JPH3: variants seen among roughly 807,000 people sequenced by gnomAD.
JPH3 encodes junctophilin 3.
A neutral mutation model predicts 59.6 loss-of-function variants in JPH3; 11 were observed. The observed-to-expected ratio is 0.18, with a 90% confidence interval of 0.12 to 0.31. The LOEUF is 0.31. JPH3 is among the 10% of genes least tolerant of loss of function. The probability of loss-of-function intolerance (pLI) is 1.00; values close to 1 mark genes in which losing one functional copy is unlikely to be tolerated. For missense variants in JPH3, 1,202 were observed against 1,105.7 expected (o/e 1.09, Z -1.24); for synonymous variants, 673 against 483.6 (o/e 1.39, Z -5.14).
chr16:87,642,873 T>G (rs1337305088), intron 1 of JPH3, among the ~76,000 whole-genome samples: 1 of 152,226 alleles, frequency 6.6e-6, no homozygotes, highest in African/African-American at 2.4e-5. Context: ...TGACCGGGTT[T>G]CCTTTTTATT....
chr16:87,620,585 G>C (rs911845463), intron 1 of JPH3, among the ~76,000 whole-genome samples: 1 of 151,946 alleles, frequency 6.6e-6, no homozygotes, highest in South Asian at 2.1e-4. Context: ...TGCCATGGGG[G>C]GGACGTGCGT....
At chr16:87,658,706 C>T (rs2032593823) in intron 2 of JPH3, among the ~76,000 whole-genome samples, 1 of 152,190 alleles carries the variant, frequency 6.6e-6, no homozygotes, top group Non-Finnish European at 1.5e-5. Context: ...CAGGAGGACT[C>T]ACCCCCCTGC....
intron 3 of JPH3, among the ~76,000 whole-genome samples, chr16:87,689,286 C>G (rs1224257478): frequency 6.6e-6 from 1 of 152,148 alleles, no homozygotes; most frequent in Non-Finnish European, 1.5e-5. Flanking sequence ...GGGGCTTCCT[C>G]TTACCCTCAG....
At chr16:87,662,107 G>A (rs573957495) in intron 2 of JPH3, among the ~76,000 whole-genome samples, 65 of 152,248 alleles carry the variant, frequency 4.3e-4, no homozygotes, top group Non-Finnish European at 8.1e-4. Context: ...CTGTACCTAC[G>A]GTCATCCCTC....
intron 1 of JPH3, among the ~76,000 whole-genome samples, chr16:87,637,657 C>T (rs1040400292): frequency 2.0e-5 from 3 of 152,214 alleles, no homozygotes; most frequent in Admixed American, 6.5e-5. Context: ...GGGACTTTCT[C>T]GGGGACAACC....
At chr16:87,676,164 A>C (rs1182529006) in intron 2 of JPH3, among the ~76,000 whole-genome samples, 1 of 152,218 alleles carries the variant, frequency 6.6e-6, no homozygotes, top group Non-Finnish European at 1.5e-5. Context: ...ACGTGTGGCC[A>C]TGGAAATGTG....
At chr16:87,665,854 C>T (rs2032843943) in intron 2 of JPH3, among the ~76,000 whole-genome samples, 1 of 152,214 alleles carries the variant, frequency 6.6e-6, no homozygotes, top group South Asian at 2.1e-4. Context: ...CTGGTTGGAA[C>T]ACTGGTCCCT....
intron 1 of JPH3, among the ~76,000 whole-genome samples, chr16:87,626,029 T>C (rs1432614708): frequency 6.6e-6 from 1 of 152,288 alleles, no homozygotes; most frequent in East Asian, 1.9e-4. Flanking sequence ...CTGGATTCCT[T>C]AGCTCAGGTT....
At chr16:87,695,756 C>T (rs1330589829) in intron 4 of JPH3, 1 of 456,092 alleles carries the variant, frequency 2.2e-6, no homozygotes. Flanking sequence ...CAGAACACAG[C>T]AGAGTGCAGG....
intron 2 of JPH3, among the ~76,000 whole-genome samples, chr16:87,662,588 T>C (rs1173025243): frequency 6.6e-6 from 1 of 152,214 alleles, no homozygotes; most frequent in Non-Finnish European, 1.5e-5. Flanking sequence ...AGTGAGGCTC[T>C]GCCCTCCTTT....
At position 87,658,386 on chromosome 16, in the gene JPH3, T is replaced by C. The variant is rs1207028125; in HGVS notation, c.1160+13351T>C. Among the ~76,000 whole-genome samples the C allele has an allele frequency of 4.1e-5, 6 of 146,882 alleles. No homozygotes were observed. The East Asian group carries it at 1.3e-3, about 31-fold the overall frequency. The stretch of plus-strand genomic sequence containing the variant: ...CGCTTCTCCCCCTCTCTTTTTCCCT[T>C]TCTCTTTTCCTCCCTCTCTGTCCCT... On this transcript the variant is annotated intron_variant, in intron 2 of 4. Coordinates refer to ENST00000284262, the MANE Select transcript of JPH3 (RefSeq NM_020655.4).
chr16:87,645,362 A>G (rs1265836481), intron 2 of JPH3, among the ~76,000 whole-genome samples: 12 of 152,228 alleles, frequency 7.9e-5, no homozygotes. Context: ...CTGTTCCGTT[A>G]GTACAATGCA....
intron 2 of JPH3, among the ~76,000 whole-genome samples, chr16:87,657,923 T>A (rs546235406): frequency 1.3e-5 from 2 of 152,318 alleles, no homozygotes; most frequent in East Asian, 3.9e-4. Context: ...GAGGAGCTGG[T>A]GGCTGCCAGG....
intron 2 of JPH3, among the ~76,000 whole-genome samples, chr16:87,668,683 A>G (rs2032937696): frequency 6.6e-6 from 1 of 152,010 alleles, no homozygotes. Flanking sequence ...CTGGCCAGAT[A>G]CCTCATCTGG....
intron 1 of JPH3, among the ~76,000 whole-genome samples, chr16:87,630,059 C>T (rs965329887): frequency 5.7e-4 from 87 of 152,172 alleles, no homozygotes; most frequent in Non-Finnish European, 1.2e-4. Flanking sequence ...AAACATTGCC[C>T]AGAGTCCATG....
chr16:87,677,274 G>A (rs1156803566), intron 2 of JPH3, among the ~76,000 whole-genome samples: 1 of 149,576 alleles, frequency 6.7e-6, no homozygotes, highest in Non-Finnish European at 1.5e-5. Flanking sequence ...TCCCAGCCAC[G>A]TGGGAGGCTG....
intron 1 of JPH3, chr16:87,604,130 A>C (rs1358132484): frequency 7.4e-7 from 1 of 1,343,370 alleles, no homozygotes; most frequent in African/African-American, 1.5e-5. Context: ...AGGCTGCTGG[A>C]GGGAGGAGGG....
In JPH3 at chr16:87,609,242, G is replaced by T. The variant is rs117602739; in HGVS notation, c.382+5714G>T. 5.3e-3 allele frequency among the ~76,000 whole-genome samples: 807 copies of T among 152,314 alleles called. 7 individuals carry two copies. The highest frequency in any genetic ancestry group is 0.01 in the Middle Eastern group (3 of 294). On this transcript the variant is annotated intron_variant, in intron 1 of 4. Transcript: ENST00000284262. ...AGCTTGTGGAGGTGGGTTTGGGGGT[G>T]AGACTTTATTTTTTTGTTTTTATTT...
chr16:87,621,586 G>C (rs1387645018), intron 1 of JPH3, among the ~76,000 whole-genome samples: 2 of 152,214 alleles, frequency 1.3e-5, no homozygotes, highest in Non-Finnish European at 2.9e-5. Flanking sequence ...CGCCAGCCAG[G>C]AGCAATTGCT....
Sources: allele counts gnomAD v4.1 joint callset (sites outside exome capture counted in the v4.1 genomes callset), GRCh38; gene constraint gnomAD v4.1.1; transcripts MANE v1.5; gene names NCBI Gene and HGNC (gene_info 2026-07-23, HGNC 2026-07-21).